The following SDC2 variants were observed in gnomAD, a reference collection of about 807,000 sequenced individuals.
SDC2 encodes syndecan-2.
A neutral mutation model predicts 22.2 loss-of-function variants in SDC2; 13 were observed. That is an observed-to-expected ratio of 0.59 (90% CI 0.38 to 0.93). The LOEUF is 0.93. Among genes scored for constraint, SDC2 ranks in the 40% least tolerant of loss-of-function variants. SDC2 has a pLI of 0.00. For synonymous variants in SDC2, 94 were observed against 92.8 expected (o/e 1.01, Z -0.07); for missense variants, 235 against 246.8 (o/e 0.95, Z 0.32).
chr8:96,544,504 G>A (rs1029844526), intron 1 of SDC2, among the ~76,000 whole-genome samples: 5 of 152,064 alleles, frequency 3.3e-5, no homozygotes, highest in East Asian at 3.9e-4. Flanking sequence ...TTCTCTGTTC[G>A]TTCTAGCGAT....
At chr8:96,578,312 A>G (rs983928436) in intron 1 of SDC2, among the ~76,000 whole-genome samples, 3 of 152,242 alleles carry the variant, frequency 2.0e-5, no homozygotes, top group East Asian at 1.9e-4. Flanking sequence ...ACATGTGTCT[A>G]TTTGAACTTA....
chr8:96,504,326 CATAT>C (rs1421563640), intron 1 of SDC2, among the ~76,000 whole-genome samples: 1 of 152,210 alleles, frequency 6.6e-6, no homozygotes, highest in Non-Finnish European at 1.5e-5. Flanking sequence ...TGGGCCATGA[CATAT>C]ATAGATTCTA....
At chr8:96,538,820 G>C (rs1440327416) in intron 1 of SDC2, 1 of 145,388 alleles carries the variant, frequency 6.9e-6, no homozygotes, top group Non-Finnish European at 1.5e-5. Flanking sequence ...AGCTGGCTGG[G>C]TCTGGGCTGT....
At chr8:96,542,757 A>T (rs1813872066) in intron 1 of SDC2, among the ~76,000 whole-genome samples, 1 of 152,138 alleles carries the variant, frequency 6.6e-6, no homozygotes, top group Admixed American at 6.5e-5. Flanking sequence ...CTTATTAAAT[A>T]TGAGATTTTC....
At chr8:96,551,750 T>G (rs1814031294) in intron 1 of SDC2, among the ~76,000 whole-genome samples, 1 of 152,210 alleles carries the variant, frequency 6.6e-6, no homozygotes, top group Admixed American at 6.5e-5. Flanking sequence ...CTCAGTAAGT[T>G]TGGCAGGCCT....
chr8:96,588,846 G>A (rs1177070355), intron 1 of SDC2, among the ~76,000 whole-genome samples: 4 of 152,200 alleles, frequency 2.6e-5, no homozygotes, highest in South Asian at 2.1e-4. Flanking sequence ...TAGGTAAGGC[G>A]TTGTGTTTTT....
At chr8:96,605,957 G>A (rs1204451917) in intron 3 of SDC2, among the ~76,000 whole-genome samples, 3 of 152,156 alleles carry the variant, frequency 2.0e-5, no homozygotes, top group Non-Finnish European at 4.4e-5. Flanking sequence ...CACTCTTTAA[G>A]CCTCTAGACT....
At chr8:96,549,323 A>T (rs1258474800) in intron 1 of SDC2, among the ~76,000 whole-genome samples, 1 of 152,212 alleles carries the variant, frequency 6.6e-6, no homozygotes, top group Non-Finnish European at 1.5e-5. Flanking sequence ...CTGTTGTTGA[A>T]TGACAACCTC....
intron 1 of SDC2, among the ~76,000 whole-genome samples, chr8:96,553,837 A>G (rs1814066420): frequency 6.6e-6 from 1 of 152,086 alleles, no homozygotes; most frequent in Non-Finnish European, 1.5e-5. Flanking sequence ...CACTGGCACA[A>G]TCTCGGCTCA....
intron 1 of SDC2, among the ~76,000 whole-genome samples, chr8:96,590,598 C>G (rs1213444434): frequency 6.6e-6 from 1 of 151,980 alleles, no homozygotes; most frequent in Non-Finnish European, 1.5e-5. Flanking sequence ...GTGGAGTCTT[C>G]ATAAAAGGAA....
rs1253092199 is a variant in SDC2 at position 96,611,632 on chromosome 8, G to A, written c.*2084G>A. 1.3e-5 allele frequency: 2 copies of A among 152,618 alleles called. No homozygotes were observed. The highest frequency in any genetic ancestry group is 1.3e-4 in the Admixed American group (2 of 15,262). The allele number at this position is 152,618 out of a possible 1,614,324, so 9.5% of individuals were successfully genotyped here. A position where few individuals can be genotyped will look rare whatever the true frequency, so the allele number is the denominator to read the frequency against. ...TATACCTCTAACTGTGCAAAGCAGA[G>A]TGAAATTCAATTCATAGAATAACAA... On this transcript the variant is annotated 3_prime_UTR_variant, in exon 5 of 5. Transcript: ENST00000302190.
chr8:96,556,182 A>C (rs1420989545), intron 1 of SDC2, among the ~76,000 whole-genome samples: 3 of 152,076 alleles, frequency 2.0e-5, no homozygotes, highest in Non-Finnish European at 4.4e-5. Context: ...CCACCCTTAT[A>C]TTCCCCTCTT....
intron 1 of SDC2, among the ~76,000 whole-genome samples, chr8:96,518,211 CAT>C (rs1387446225): frequency 4.6e-5 from 7 of 151,990 alleles, no homozygotes; most frequent in Non-Finnish European, 8.8e-5. Flanking sequence ...AAAGCCTAGT[CAT>C]GTGATCTTTG....
intron 1 of SDC2, among the ~76,000 whole-genome samples, chr8:96,558,101 T>A (rs761891164): frequency 1.3e-5 from 2 of 152,158 alleles, no homozygotes; most frequent in Non-Finnish European, 2.9e-5. Context: ...ATTCTGTTCT[T>A]GGTGGTTGAG....
chr8:96,576,250 T>A (rs1311698702), intron 1 of SDC2, among the ~76,000 whole-genome samples: 1 of 151,896 alleles, frequency 6.6e-6, no homozygotes, highest in Non-Finnish European at 1.5e-5. Flanking sequence ...CACCTGAAGT[T>A]TTTTCAGCTG....
At chr8:96,541,300 C>T (rs962232452) in intron 1 of SDC2, among the ~76,000 whole-genome samples, 18 of 151,736 alleles carry the variant, frequency 1.2e-4, no homozygotes, top group South Asian at 4.2e-4. Context: ...TGGTGGTGTG[C>T]GTCTGTAGTC....
intron 1 of SDC2, among the ~76,000 whole-genome samples, chr8:96,522,245 A>G (rs886722853): frequency 7.2e-5 from 11 of 152,238 alleles, no homozygotes; most frequent in African/African-American, 2.7e-4. Flanking sequence ...GTCTTGCCTT[A>G]GAGCTATGCC....
At chr8:96,498,868 T>C (rs1813116923) in intron 1 of SDC2, among the ~76,000 whole-genome samples, 1 of 152,192 alleles carries the variant, frequency 6.6e-6, no homozygotes, top group Non-Finnish European at 1.5e-5. Context: ...TTTTCTTCCT[T>C]GGGGGCATGC....
intron 1 of SDC2, among the ~76,000 whole-genome samples, chr8:96,582,042 A>G (rs1814598318): frequency 6.6e-6 from 1 of 152,206 alleles, no homozygotes; most frequent in Non-Finnish European, 1.5e-5. Context: ...CTTCTGCCCC[A>G]ACTGCCATGG....
Sources: allele counts gnomAD v4.1 joint callset (sites outside exome capture counted in the v4.1 genomes callset), GRCh38; gene constraint gnomAD v4.1.1; transcripts MANE v1.5; gene names NCBI Gene and HGNC (gene_info 2026-07-23, HGNC 2026-07-21).